GRIK5: variants seen among roughly 807,000 people sequenced by gnomAD.
GRIK5 encodes the protein glutamate receptor ionotropic, kainate 5.
GRIK5 carries 43 observed loss-of-function variants against 97.4 expected under a neutral mutation model. The observed-to-expected ratio is 0.44, with a 90% confidence interval of 0.35 to 0.57. The LOEUF (loss-of-function observed/expected upper bound fraction) is 0.57. Ranked by LOEUF, GRIK5 falls within the 20% of genes least tolerant of loss-of-function variation. The pLI is 0.01. For synonymous variants in GRIK5, 580 were observed against 583.5 expected (o/e 0.99, Z 0.09); for missense variants, 1,015 against 1,382.0 (o/e 0.73, Z 4.21).
chr19:42,030,329 G>A (rs745884933), intron 12 of GRIK5, among the ~76,000 whole-genome samples: 3 of 152,084 alleles, frequency 2.0e-5, no homozygotes, highest in Admixed American at 6.6e-5. Context: ...TTAAAGGTGC[G>A]TGCCGCTGAG....
In GRIK5 at chr19:42,020,943, T is replaced by C. The variant is rs373312388; in HGVS notation, c.1871+358A>G. On this transcript the variant is annotated intron_variant, in intron 15 of 19. Coordinates refer to ENST00000593562, the MANE Select transcript of GRIK5 (RefSeq NM_002088.5). The stretch of plus-strand genomic sequence containing the variant: ...CTCTGTTGCCCAGGCTGGAGTGCAG[T>C]GGGGAGTTCTCAGCTCACTACAACC... Among the ~76,000 whole-genome samples the C allele has an allele frequency of 8.5e-5, 13 of 152,250 alleles. No individual in the cohort carries two copies. The East Asian group carries it at 1.7e-3, about 20-fold the overall frequency.
At position 42,002,301 on chromosome 19, in the gene GRIK5, G is replaced by C; in HGVS notation, c.2514+1031C>G. The C allele has an allele frequency of 1.4e-6, 1 of 717,674 alleles. No individual in the cohort carries two copies. Among genetic ancestry groups the C allele is most frequent in the East Asian group, 2.7e-5 (1 of 37,302 alleles). The allele number at this position is 717,674 out of a possible 1,614,324, so 44.5% of individuals were successfully genotyped here. A position where few individuals can be genotyped will look rare whatever the true frequency, so the allele number is the denominator to read the frequency against. On this transcript the variant is annotated intron_variant, in intron 19 of 19. Transcript: ENST00000593562. This position sits in a 1 kb window ranked among gnomAD's most constrained non-coding sequence, Gnocchi z 5.2. ...GTGGGCGGTGGCTGGGAGGGAAAGT[G>C]AGGTCAGGAGAGGGTTTAAGACTGG... is the stretch of plus-strand genomic sequence containing the variant.
rs547103776 is a variant in GRIK5 at position 42,042,791 on chromosome 19, G to A, written c.1270-36C>T. The A allele has an allele frequency of 3.9e-6, 6 of 1,549,312 alleles. No homozygotes were observed. The South Asian group carries it at 5.7e-5, about 15-fold the overall frequency. On this transcript the variant is annotated intron_variant, in intron 11 of 19. Transcript: ENST00000593562. This position sits in a 1 kb window ranked among gnomAD's most constrained non-coding sequence, Gnocchi z 6.9. Reference sequence around the variant, plus strand: ...AGAAGAAAGCAGGGGTCAGAGGCTGGGTGTCTAGTGGCTGGGTTGCGGATC... The same window carrying A: ...AGAAGAAAGCAGGGGTCAGAGGCTGAGTGTCTAGTGGCTGGGTTGCGGATC...
intron 12 of GRIK5, among the ~76,000 whole-genome samples, chr19:42,038,198 G>A (rs941503601): frequency 4.6e-5 from 7 of 152,214 alleles, no homozygotes; most frequent in Non-Finnish European, 1.0e-4. Context: ...TAAGGAGGCT[G>A]ATGAGAGGGG....
intron 12 of GRIK5, among the ~76,000 whole-genome samples, chr19:42,034,883 G>T (rs2075883259): frequency 6.6e-6 from 1 of 151,902 alleles, no homozygotes; most frequent in Admixed American, 6.6e-5. Flanking sequence ...AGGGGACAAG[G>T]AGCACCTCTG....
intron 15 of GRIK5, among the ~76,000 whole-genome samples, chr19:42,008,269 G>A (rs1393388916): frequency 2.6e-5 from 4 of 152,064 alleles, no homozygotes; most frequent in East Asian, 2.0e-4. Flanking sequence ...TGCCCACCTC[G>A]CCCACCCAAG....
At chr19:42,046,160 G>A (rs993208736) in intron 11 of GRIK5, among the ~76,000 whole-genome samples, 2 of 152,152 alleles carry the variant, frequency 1.3e-5, no homozygotes, top group African/African-American at 4.8e-5. Flanking sequence ...GCAGAGCTGG[G>A]CTTCACAACC....
At chr19:42,019,335 A>G (rs889088954) in intron 15 of GRIK5, among the ~76,000 whole-genome samples, 1 of 152,104 alleles carries the variant, frequency 6.6e-6, no homozygotes, top group African/African-American at 2.4e-5. Context: ...GACTCAACCC[A>G]GTTCACCTCC....
intron 11 of GRIK5, among the ~76,000 whole-genome samples, chr19:42,052,572 C>A (rs2076131062): frequency 6.6e-6 from 1 of 152,238 alleles, no homozygotes. Flanking sequence ...TCCTGCAAAA[C>A]CCTCTTGTAA....
chr19:42,062,899 C>A lies in GRIK5; in HGVS notation c.245-44G>T, dbSNP rs1477868998. ...AGACCGCAGAGTCAGGGACCCCCTG[C>A]CTCCTCTCCTTCCCCATCCCTCAGG... On this transcript the variant is annotated intron_variant, in intron 3 of 19. Transcript: ENST00000593562. The surrounding 1 kb of genome is among the most constrained non-coding windows in gnomAD (Gnocchi z 5.3). The A allele has an allele frequency of 7.1e-7, 1 of 1,404,918 alleles. No homozygotes were observed. The highest frequency in any genetic ancestry group is 1.0e-6 in the Non-Finnish European group (1 of 990,992). The allele number at this position is 1,404,918 out of a possible 1,614,324, so 87.0% of individuals were successfully genotyped here. A position where few individuals can be genotyped will look rare whatever the true frequency, so the allele number is the denominator to read the frequency against.
rs899038685 is a variant in GRIK5 at position 41,999,817 on chromosome 19, G to T, written c.2515-518C>A. On this transcript the variant is annotated intron_variant, in intron 19 of 19. Transcript: ENST00000593562. The surrounding 1 kb of genome is among the most constrained non-coding windows in gnomAD (Gnocchi z 5.0). ...GACATGTATGTAGTGTGTTAGGCGTGGTGAGTGCTTTGGAAAGAAAGAAAA... is the reference window on the plus strand; with the variant it reads ...GACATGTATGTAGTGTGTTAGGCGTTGTGAGTGCTTTGGAAAGAAAGAAAA... Among the ~76,000 whole-genome samples, 2 of 152,240 alleles carry T rather than the reference G, an allele frequency of 1.3e-5. No homozygotes were observed. The highest frequency in any genetic ancestry group is 4.8e-5 in the African/African-American group (2 of 41,468).
At chr19:42,053,526 C>A in intron 11 of GRIK5, 76 bp downstream of exon 11, 1 of 885,586 alleles carries the variant, frequency 1.1e-6, no homozygotes, top group Non-Finnish European at 1.9e-6. Flanking sequence ...GCCAATGCAT[C>A]CCTCCACCTC....
Position 42,041,956 on chromosome 19 carries a change from C to T in GRIK5, c.1473+596G>A, listed in dbSNP as rs1336370105. Among the ~76,000 whole-genome samples, 2 of 152,132 alleles carry T rather than the reference C, an allele frequency of 1.3e-5. 1 individual carries two copies. Among genetic ancestry groups the T allele is most frequent in the South Asian group, 4.1e-4 (2 of 4,822 alleles). On this transcript the variant is annotated intron_variant, in intron 12 of 19. Coordinates refer to ENST00000593562, the MANE Select transcript of GRIK5 (RefSeq NM_002088.5). Reference sequence around the variant, plus strand: ...TGTGCTGTGGTCATTCACTGTCTTGCGCCCCAAAGAGACTCTAAGCTCTTG... The same window carrying T: ...TGTGCTGTGGTCATTCACTGTCTTGTGCCCCAAAGAGACTCTAAGCTCTTG...
chr19:42,015,696 G>C (rs990415955), intron 15 of GRIK5, among the ~76,000 whole-genome samples: 19 of 152,176 alleles, frequency 1.2e-4, no homozygotes, highest in Admixed American at 1.3e-4. Context: ...TGGTGACACA[G>C]GACCGACCCG....
At position 42,070,117 on chromosome 19, in the gene GRIK5, T is replaced by C. The variant is rs1396279120; in HGVS notation, c.-927A>G. 6.6e-6 allele frequency among the ~76,000 whole-genome samples: 1 copy of C among 152,050 alleles called. No individual in the cohort carries two copies. Among genetic ancestry groups the C allele is most frequent in the Non-Finnish European group, 1.5e-5 (1 of 67,978 alleles). On this transcript the variant is annotated 5_prime_UTR_variant, in exon 1 of 20. Coordinates refer to ENST00000593562, the MANE Select transcript of GRIK5 (RefSeq NM_002088.5). ...CAGTCCCCGGCTGGGCCTGCCTCCCTGCCGCTGGCTGCCGCCACCGCTCAG... is the reference window on the plus strand; with the variant it reads ...CAGTCCCCGGCTGGGCCTGCCTCCCCGCCGCTGGCTGCCGCCACCGCTCAG...
At chr19:42,056,570 T>C in intron 8 of GRIK5, 92 bp downstream of exon 8, 1 of 1,118,476 alleles carries the variant, frequency 8.9e-7, no homozygotes, top group African/African-American at 1.5e-5. Context: ...GGCGAGAGGG[T>C]TCTGAGCATG....
Position 42,065,090 on chromosome 19 carries a change from A to G in GRIK5, c.244+133T>C, listed in dbSNP as rs2076311568. The stretch of plus-strand genomic sequence containing the variant: ...CAGCAGCCATGTCTGGGAAGAAGGC[A>G]GAGACAAACACAAAGAAGGGGGAGG... On this transcript the variant is annotated intron_variant, in intron 3 of 19. Transcript: ENST00000593562. The surrounding 1 kb of genome is among the most constrained non-coding windows in gnomAD (Gnocchi z 5.8). The G allele has an allele frequency of 2.6e-6, 2 of 767,768 alleles. No homozygotes were observed. Among genetic ancestry groups the G allele is most frequent in the Non-Finnish European group, 4.1e-6 (2 of 486,724 alleles). 47.6% of individuals were successfully genotyped at this position (767,768 alleles called of 1,614,324 possible). A position where few individuals can be genotyped will look rare whatever the true frequency, so the allele number is the denominator to read the frequency against.
rs778749723 is a variant in GRIK5 at position 42,021,423 on chromosome 19, GGGGCGT to G, written c.1743_1748del (p.Arg582_Pro583del). 1.3e-5 allele frequency: 21 copies of G among 1,609,522 alleles called. No homozygotes were observed. In the South Asian group the frequency reaches 2.3e-4, roughly 18 times the overall value. On this transcript the variant is annotated inframe_deletion, in exon 15 of 20. Coordinates refer to ENST00000593562, the MANE Select transcript of GRIK5 (RefSeq NM_002088.5). This position sits in a 1 kb window ranked among gnomAD's most constrained non-coding sequence, Gnocchi z 4.2. Reference sequence around the variant, plus strand: ...GCGTGTACTGGTTCTCCAGGATGTGGGGGCGTGCCCGCAGGCATGGGTGTGGGTTAT... The same window carrying G: ...GCGTGTACTGGTTCTCCAGGATGTGGGCCCGCAGGCATGGGTGTGGGTTAT...
At chr19:42,048,447 C>T (rs1354640693) in intron 11 of GRIK5, among the ~76,000 whole-genome samples, 7 of 151,916 alleles carry the variant, frequency 4.6e-5, no homozygotes, top group Admixed American at 2.0e-4. Context: ...GGTGAAACCC[C>T]GTCTCTACTA....
Sources: gnomAD v4.1 joint callset for allele counts (sites outside exome capture counted in the v4.1 genomes callset) on GRCh38, gnomAD v4.1.1 for gene constraint, Gnocchi (gnomAD v3.1) non-coding constraint, MANE v1.5 for transcripts, NCBI Gene and HGNC (gene_info 2026-07-23, HGNC 2026-07-21) for gene names.